PTPRN2: variants seen among roughly 807,000 people sequenced by gnomAD.
The protein encoded by PTPRN2 is receptor-type tyrosine-protein phosphatase N2.
Under a neutral mutation model 118.8 loss-of-function variants are expected in PTPRN2, and 74 were observed. That is an observed-to-expected ratio of 0.62 (90% CI 0.52 to 0.76). The LOEUF (loss-of-function observed/expected upper bound fraction) is 0.76, where lower values mean the gene tolerates loss of function less well. PTPRN2 is among the 30% of genes least tolerant of loss of function. The pLI is 0.00. For missense variants in PTPRN2, 1,481 were observed against 1,394.4 expected (o/e 1.06, Z -0.99); for synonymous variants, 641 against 608.0 (o/e 1.05, Z -0.80).
At chr7:157,683,000 C>G in intron 12 of PTPRN2, 63 bp from the exon 13 acceptor site, 2 of 1,378,634 alleles carry the variant, frequency 1.5e-6, no homozygotes, top group South Asian at 1.2e-5. Flanking sequence ...TAAAAACACA[C>G]GTCTCCAAAT....
intron 12 of PTPRN2, among the ~76,000 whole-genome samples, chr7:157,833,840 C>T (rs1056606317): frequency 6.6e-6 from 1 of 152,210 alleles, no homozygotes; most frequent in Non-Finnish European, 1.5e-5. Context: ...CGCTCATTTC[C>T]ATAAATCAGC....
intron 10 of PTPRN2, among the ~76,000 whole-genome samples, chr7:158,085,721 GCCCATCCACACCCACGACA>G (rs1249306708): frequency 1.7e-5 from 2 of 117,898 alleles, no homozygotes; most frequent in Non-Finnish European, 3.3e-5. Context: ...CACCCACGAC[GCCCATCCACACCCACGACA>G]CCCATCCACA....
intron 10 of PTPRN2, among the ~76,000 whole-genome samples, chr7:158,100,652 G>C (rs74592684): frequency 6.6e-6 from 1 of 152,282 alleles, no homozygotes; most frequent in Non-Finnish European, 1.5e-5. Context: ...CTGATCATTA[G>C]TGATGTTGGG....
intron 12 of PTPRN2, among the ~76,000 whole-genome samples, chr7:157,712,691 C>T (rs73516854): frequency 0.073 from 10,367 of 141,108 alleles, 669 homozygotes; most frequent in African/African-American, 0.18. Flanking sequence ...GTGGAGGTTG[C>T]GGCTACCCAA....
At chr7:157,559,201 G>A (rs958550573) in intron 21 of PTPRN2, among the ~76,000 whole-genome samples, 1 of 152,246 alleles carries the variant, frequency 6.6e-6, no homozygotes, top group African/African-American at 2.4e-5. Context: ...GAGCCCCACT[G>A]CCAAAAGGCC....
At position 157,903,152 on chromosome 7, in the gene PTPRN2, GA is replaced by G. The variant is rs1797566732; in HGVS notation, c.1724-4416del. On this transcript the variant is annotated intron_variant, in intron 11 of 22. Coordinates refer to ENST00000389418, the MANE Select transcript of PTPRN2 (RefSeq NM_002847.5). This position sits in a 1 kb window ranked among gnomAD's most constrained non-coding sequence, Gnocchi z 4.2. ...ACACGCTGCCACACACTCTCGCACGGAAGTGGGAACTACACTCATCAGAGAA... is the reference window on the plus strand; with the variant it reads ...ACACGCTGCCACACACTCTCGCACGGAGTGGGAACTACACTCATCAGAGAA... Among the ~76,000 whole-genome samples the G allele has an allele frequency of 6.6e-6, 1 of 152,156 alleles. No homozygotes were observed.
At chr7:158,442,312 G>A (rs1362677476) in intron 2 of PTPRN2, among the ~76,000 whole-genome samples, 1 of 152,126 alleles carries the variant, frequency 6.6e-6, no homozygotes, top group Non-Finnish European at 1.5e-5. Context: ...TAAAGAAGCT[G>A]AGCCTGAGAA....
chr7:158,494,807 G>T (rs1026801940), intron 1 of PTPRN2, among the ~76,000 whole-genome samples: 1 of 152,164 alleles, frequency 6.6e-6, no homozygotes, highest in Non-Finnish European at 1.5e-5. Flanking sequence ...CCCTGAGAAG[G>T]GGATGCGGGG....
At chr7:158,342,850 A>T (rs1730170171) in intron 2 of PTPRN2, among the ~76,000 whole-genome samples, 1 of 152,068 alleles carries the variant, frequency 6.6e-6, no homozygotes, top group South Asian at 2.1e-4. Flanking sequence ...AGCTCAGGAA[A>T]CCTCATCATC....
chr7:157,991,308 T>G (rs1435608211), intron 11 of PTPRN2, among the ~76,000 whole-genome samples: 1 of 152,216 alleles, frequency 6.6e-6, no homozygotes, highest in Non-Finnish European at 1.5e-5. Flanking sequence ...AGAGACACTT[T>G]AAAAAGGGCA....
chr7:157,943,696 C>T (rs1203290740), intron 11 of PTPRN2, among the ~76,000 whole-genome samples: 1 of 151,918 alleles, frequency 6.6e-6, no homozygotes. Flanking sequence ...CCAAAGCTCC[C>T]AGAGGCCAAG....
At chr7:157,710,833 G>A (rs6971974) in intron 12 of PTPRN2, among the ~76,000 whole-genome samples, 9,233 of 118,234 alleles carry the variant, frequency 0.078, 750 homozygotes, top group East Asian at 0.22. Context: ...CGGGGCAGCC[G>A]GGTTACACGC....
intron 14 of PTPRN2, among the ~76,000 whole-genome samples, chr7:157,653,011 C>A (rs1056047463): frequency 2.0e-5 from 3 of 152,328 alleles, no homozygotes; most frequent in Middle Eastern, 6.8e-3. Flanking sequence ...GCCAGGCCAG[C>A]CCCGCCTGAA....
At chr7:158,387,505 A>ATCC (rs1811502057) in intron 2 of PTPRN2, among the ~76,000 whole-genome samples, 1 of 810 alleles carries the variant, frequency 1.2e-3, no homozygotes. Context: ...CGATCGGGTT[A>ATCC]CGATGTTGGA....
At chr7:158,146,750 A>G (rs1820086886) in intron 6 of PTPRN2, among the ~76,000 whole-genome samples, 1 of 151,510 alleles carries the variant, frequency 6.6e-6, no homozygotes, top group South Asian at 2.1e-4. Flanking sequence ...GAAAAAAGAA[A>G]CAATAGAAAA....
At chr7:157,795,710 G>A (rs1262063950) in intron 12 of PTPRN2, among the ~76,000 whole-genome samples, 4 of 152,248 alleles carry the variant, frequency 2.6e-5, no homozygotes, top group Non-Finnish European at 5.9e-5. Flanking sequence ...AAAAGAAAGT[G>A]CTTGTGCTCA....
At chr7:157,628,325 T>C (rs940693896) in intron 14 of PTPRN2, among the ~76,000 whole-genome samples, 12 of 152,210 alleles carry the variant, frequency 7.9e-5, no homozygotes, top group African/African-American at 2.7e-4. Flanking sequence ...AAGGGGCTGA[T>C]TTCTAGGAAC....
intron 2 of PTPRN2, among the ~76,000 whole-genome samples, chr7:158,417,822 C>T (rs180789788): frequency 2.1e-5 from 3 of 145,906 alleles, no homozygotes; most frequent in Non-Finnish European, 3.0e-5. Flanking sequence ...TTCAGTGTCC[C>T]GCTGTGTTAA....
chr7:158,133,895 G>C lies in PTPRN2; in HGVS notation c.1338C>G (p.Asn446Lys). The change falls in exon 9 of 23, where the codon AAC (asparagine) becomes AAG (lysine). Residue 446 changes from asparagine (N) to lysine (K), a missense_variant. By Grantham distance (94) the Asn-to-Lys change is moderately conservative. Transcript: ENST00000389418. ...SSEEETAGVE[N>K]VKSQTYSKDL... Reference sequence around the variant, plus strand: ...CTTTGGAATACGTCTGGCTCTTGACGTTCTCCACTCCGGCAGTCTCCTCTT... The same window carrying C: ...CTTTGGAATACGTCTGGCTCTTGACCTTCTCCACTCCGGCAGTCTCCTCTT... 6.2e-7 allele frequency: 1 copy of C among 1,613,902 alleles called. No homozygotes were observed. Among genetic ancestry groups the C allele is most frequent in the Non-Finnish European group, 8.5e-7 (1 of 1,180,038 alleles).
Sources: allele counts gnomAD v4.1 joint callset (sites outside exome capture counted in the v4.1 genomes callset), GRCh38; gene constraint gnomAD v4.1.1; non-coding constraint Gnocchi (gnomAD v3.1); transcripts MANE v1.5; gene names NCBI Gene and HGNC (gene_info 2026-07-23, HGNC 2026-07-21).